KCNK13: variants seen among roughly 807,000 people sequenced by gnomAD.
KCNK13 encodes the protein potassium two pore domain channel subfamily K member 13.
Under a neutral mutation model 23.4 loss-of-function variants are expected in KCNK13, and 12 were observed. The ratio of observed to expected loss-of-function variants is 0.51; its 90% CI spans 0.33 to 0.83. KCNK13 has a LOEUF of 0.83. KCNK13 is among the 40% of genes least tolerant of loss of function. The pLI, the probability that KCNK13 is intolerant of heterozygous loss-of-function variation, is 0.02. For missense variants in KCNK13, 463 were observed against 556.3 expected, an observed-to-expected ratio of 0.83 and a Z score of 1.69; for synonymous variants, 231 against 229.5, an observed-to-expected ratio of 1.01 and a Z score of -0.06.
At position 90,119,063 on chromosome 14, in the gene KCNK13, A is replaced by T. The variant is rs187250024; in HGVS notation, c.334+56524A>T. Among the ~76,000 whole-genome samples the T allele has an allele frequency of 9.1e-4, 139 of 152,314 alleles. No homozygotes were observed. In the East Asian group the frequency reaches 0.025, roughly 28 times the overall value. On this transcript the variant is annotated intron_variant, in intron 1 of 1. Coordinates refer to ENST00000282146, the MANE Select transcript of KCNK13 (RefSeq NM_022054.4). Reference sequence around the variant, plus strand: ...CTAAAGAAGATGGATACTTTCCTGGACACATACATCCTCCTAAGACTGAAC... The same window carrying T: ...CTAAAGAAGATGGATACTTTCCTGGTCACATACATCCTCCTAAGACTGAAC...
In KCNK13 at chr14:90,185,462, T is replaced by TGGGCTTTCTTTTTGCC; in HGVS notation, c.*460_*475dup. ...TGGGGAGAATGTTTGGGGATGTGTC[T>TGGGCTTTCTTTTTGCC]GGGCTTTCTTTTTGCCAGGCTTCCT... On this transcript the variant is annotated 3_prime_UTR_variant, in exon 2 of 2. Transcript: ENST00000282146. The TGGGCTTTCTTTTTGCC allele has an allele frequency of 6.4e-6, 1 of 155,490 alleles. No individual in the cohort carries two copies. Among genetic ancestry groups the TGGGCTTTCTTTTTGCC allele is most frequent in the African/African-American group, 2.4e-5 (1 of 41,604 alleles). The allele number at this position is 155,490 out of a possible 1,614,324, so 9.6% of individuals were successfully genotyped here.
chr14:90,168,485 C>T (rs979892653), intron 1 of KCNK13, among the ~76,000 whole-genome samples: 1 of 152,130 alleles, frequency 6.6e-6, no homozygotes, highest in African/African-American at 2.4e-5. Flanking sequence ...CCCAGGCACA[C>T]TTGACTTTTG....
rs1566949156 is a variant in KCNK13, at chr14:90,087,139, T to TAC, written c.334+24601_334+24602insCA. On this transcript the variant is annotated intron_variant, in intron 1 of 1. Transcript: ENST00000282146. ...ATACATATATATATACATATATATATATATATATATATATATTTTTTTTTT... is the reference window on the plus strand; with the variant it reads ...ATACATATATATATACATATATATATACATATATATATATATATTTTTTTTTT... 4.4e-5 allele frequency among the ~76,000 whole-genome samples: 5 copies of TAC among 112,942 alleles called. No individual in the cohort carries two copies. The East Asian group carries it at 9.4e-4, about 21-fold the overall frequency. 74.1% of individuals were successfully genotyped at this position (112,942 alleles called of 152,430 possible). A position where few individuals can be genotyped will look rare whatever the true frequency, so the allele number is the denominator to read the frequency against.
At chr14:90,066,532 GCTGAGATTACAGGTGT>G (rs1294038857) in intron 1 of KCNK13, among the ~76,000 whole-genome samples, 1 of 152,126 alleles carries the variant, frequency 6.6e-6, no homozygotes, top group African/African-American at 2.4e-5. Context: ...CTCCCAAAGT[GCTGAGATTACAGGTGT>G]GAGCCACTGC....
intron 1 of KCNK13, among the ~76,000 whole-genome samples, chr14:90,069,030 C>CTTTTTTTTTTTTTTT (rs34881625): frequency 2.2e-5 from 2 of 90,120 alleles, no homozygotes; most frequent in African/African-American, 4.4e-5. Flanking sequence ...AGTTTTTATT[C>CTTTTTTTTTTTTTTT]TTTTTTTTTT....
intron 1 of KCNK13, among the ~76,000 whole-genome samples, chr14:90,064,101 G>A (rs1888979022): frequency 6.6e-6 from 1 of 152,146 alleles, no homozygotes; most frequent in Admixed American, 6.5e-5. Flanking sequence ...TGTTCCACAA[G>A]CCCCTCCTCA....
intron 1 of KCNK13, among the ~76,000 whole-genome samples, chr14:90,112,358 A>G (rs1415026950): frequency 6.6e-6 from 1 of 152,206 alleles, no homozygotes; most frequent in Non-Finnish European, 1.5e-5. Context: ...TGTGAACACA[A>G]ACATCAAAAA....
intron 1 of KCNK13, among the ~76,000 whole-genome samples, chr14:90,174,744 C>T (rs567458420): frequency 5.3e-5 from 8 of 152,044 alleles, no homozygotes; most frequent in South Asian, 2.1e-4. Context: ...GTCCCAGCTA[C>T]GTAGGAGGCT....
At chr14:90,118,852 A>G (rs1343453517) in intron 1 of KCNK13, among the ~76,000 whole-genome samples, 3 of 152,190 alleles carry the variant, frequency 2.0e-5, no homozygotes, top group Non-Finnish European at 4.4e-5. Flanking sequence ...CAAATCCAGG[A>G]GTTGGTTTTT....
intron 1 of KCNK13, among the ~76,000 whole-genome samples, chr14:90,138,671 C>G (rs889435829): frequency 5.3e-5 from 8 of 152,204 alleles, no homozygotes; most frequent in African/African-American, 1.9e-4. Flanking sequence ...TCTGAGATCT[C>G]AAAAATGCCA....
At chr14:90,089,355 G>A (rs1394763339) in intron 1 of KCNK13, among the ~76,000 whole-genome samples, 1 of 152,208 alleles carries the variant, frequency 6.6e-6, no homozygotes, top group Non-Finnish European at 1.5e-5. Context: ...AAGGCATTTT[G>A]CCCCTGCCCT....
At chr14:90,128,351 A>G (rs937213971) in intron 1 of KCNK13, among the ~76,000 whole-genome samples, 1 of 152,224 alleles carries the variant, frequency 6.6e-6, no homozygotes, top group Admixed American at 6.5e-5. Flanking sequence ...ATTTTTAAGT[A>G]GTAAAAACAC....
intron 1 of KCNK13, among the ~76,000 whole-genome samples, chr14:90,087,720 A>G (rs1889297858): frequency 6.6e-6 from 1 of 152,162 alleles, no homozygotes; most frequent in Non-Finnish European, 1.5e-5. Context: ...ATAATTTACC[A>G]CAGTCCCTTA....
At chr14:90,156,356 G>A (rs1353021347) in intron 1 of KCNK13, among the ~76,000 whole-genome samples, 2 of 152,180 alleles carry the variant, frequency 1.3e-5, no homozygotes, top group East Asian at 3.8e-4. Flanking sequence ...ACAGAAATAT[G>A]AAGAAGAGCT....
chr14:90,158,383 A>G (rs1448438831), intron 1 of KCNK13, among the ~76,000 whole-genome samples: 1 of 152,194 alleles, frequency 6.6e-6, no homozygotes, highest in Non-Finnish European at 1.5e-5. Flanking sequence ...TCTGTCTCTG[A>G]TAGGAGAGAG....
chr14:90,169,725 A>G (rs1890343123), intron 1 of KCNK13, among the ~76,000 whole-genome samples: 2 of 152,118 alleles, frequency 1.3e-5, no homozygotes, highest in African/African-American at 4.8e-5. Context: ...CCTAGCATAC[A>G]TATCCCGAGG....
chr14:90,119,918 T>C (rs1306422125), intron 1 of KCNK13, among the ~76,000 whole-genome samples: 1 of 152,178 alleles, frequency 6.6e-6, no homozygotes, highest in African/African-American at 2.4e-5. Context: ...ATTTTTTAAC[T>C]TAAAAAAAAT....
intron 1 of KCNK13, among the ~76,000 whole-genome samples, chr14:90,069,529 C>CTTT (rs113406214): frequency 2.1e-5 from 3 of 145,726 alleles, no homozygotes; most frequent in African/African-American, 7.5e-5. Flanking sequence ...CTTTGGAAAT[C>CTTT]TTTTTTTTTT....
intron 1 of KCNK13, among the ~76,000 whole-genome samples, chr14:90,176,546 C>A (rs564927724): frequency 1.3e-5 from 2 of 152,008 alleles, no homozygotes; most frequent in African/African-American, 4.8e-5. Context: ...GTAGTTTCAT[C>A]CCACATGAGA....
Sources: allele counts gnomAD v4.1 joint callset (sites outside exome capture counted in the v4.1 genomes callset), GRCh38; gene constraint gnomAD v4.1.1; transcripts MANE v1.5; gene names NCBI Gene and HGNC (gene_info 2026-07-23, HGNC 2026-07-21).